OTOA: variants seen among roughly 807,000 people sequenced by gnomAD.
OTOA encodes the protein otoancorin.
OTOA carries 70 observed loss-of-function variants against 110.8 expected under a neutral mutation model. That is an observed-to-expected ratio of 0.63 (90% confidence interval 0.52 to 0.77). The LOEUF (loss-of-function observed/expected upper bound fraction) is 0.77, where lower values mean the gene tolerates loss of function less well. Among genes scored for constraint, OTOA ranks in the 30% least tolerant of loss-of-function variants. OTOA has a pLI of 0.00. For missense variants in OTOA, 917 were observed against 1,075.8 expected (o/e 0.85, Z 2.06); for synonymous variants, 373 against 431.5 (o/e 0.86, Z 1.68).
chr16:21,712,951 TGGG>T (rs1301856310), intron 13 of OTOA, among the ~76,000 whole-genome samples: 4 of 152,082 alleles, frequency 2.6e-5, no homozygotes, highest in Non-Finnish European at 5.9e-5. Flanking sequence ...CCTCAGGAAC[TGGG>T]GGGTTTCTTC....
chr16:21,720,920 T>TATTATTATTATTATTATC (rs1245760194), intron 17 of OTOA, among the ~76,000 whole-genome samples: 5 of 149,100 alleles, frequency 3.4e-5, no homozygotes, highest in African/African-American at 1.2e-4. Flanking sequence ...TTATTATTAT[T>TATTATTATTATTATTATC]ATCATTATTA....
intron 21 of OTOA, among the ~76,000 whole-genome samples, 154 bp downstream of exon 21, chr16:21,731,084 T>G (rs1470323726): frequency 6.6e-6 from 1 of 151,846 alleles, no homozygotes; most frequent in Non-Finnish European, 1.5e-5. Flanking sequence ...CATTCCAGGA[T>G]GTGCAAGGTT....
chr16:21,698,838 G>C (rs1347592957), intron 10 of OTOA, among the ~76,000 whole-genome samples: 4 of 152,102 alleles, frequency 2.6e-5, no homozygotes. Flanking sequence ...AGAAAGCTGA[G>C]CCCCCTAGAG....
chr16:21,727,172 A>G (rs766933470), intron 19 of OTOA: 19 of 163,068 alleles, frequency 1.2e-4, no homozygotes, highest in Non-Finnish European at 1.9e-4. Flanking sequence ...GTGTACCACT[A>G]CACCCGGTTA....
chr16:21,705,008 T>C, intron 11 of OTOA, 161 bp from the exon 12 acceptor site: 1 of 1,163,178 alleles, frequency 8.6e-7, no homozygotes, highest in Non-Finnish European at 1.3e-6. Flanking sequence ...CGCCTGTGGT[T>C]GCACATTTGG....
intron 5 of OTOA, among the ~76,000 whole-genome samples, chr16:21,680,456 A>T (rs1218467499): frequency 1.3e-5 from 2 of 151,892 alleles, no homozygotes; most frequent in African/African-American, 4.8e-5. Context: ...TGAGGTTGTG[A>T]TAAGCCAAGA....
intron 6 of OTOA, among the ~76,000 whole-genome samples, chr16:21,682,522 A>G (rs1567365112): frequency 1.3e-5 from 2 of 152,228 alleles, no homozygotes. Flanking sequence ...AATGAAAACA[A>G]TAGCACAAGC....
In OTOA at chr16:21,728,346, A is replaced by T. The variant is rs1295837458; in HGVS notation, c.2122A>T (p.Thr708Ser). The change falls in exon 20 of 29, where the codon ACT becomes TCT. Residue 708 changes from threonine (T) to serine (S), a missense_variant. Coordinates refer to ENST00000646100, the MANE Select transcript of OTOA (RefSeq NM_144672.4). ...GGGGATCTCCCCCAGGGCTTGGGCG[A>T]CTGCTCTACACGGCCTCAGAGACTG... ...DRGISPRAWA[T>S]ALHGLRDCPD... 2 of 1,613,906 alleles carry T rather than the reference A, an allele frequency of 1.2e-6. No homozygotes were observed. Among genetic ancestry groups the T allele is most frequent in the Non-Finnish European group, 1.7e-6 (2 of 1,179,992 alleles).
At chr16:21,707,392 A>T (rs534514101) in intron 12 of OTOA, among the ~76,000 whole-genome samples, 1 of 152,100 alleles carries the variant, frequency 6.6e-6, no homozygotes, top group Admixed American at 6.5e-5. Context: ...CTGTTCAAAT[A>T]CAGCTTGTGG....
chr16:21,751,453 G>C (rs1355367428), intron 24 of OTOA, among the ~76,000 whole-genome samples: 1 of 62,244 alleles, frequency 1.6e-5, no homozygotes, highest in African/African-American at 4.4e-5. Flanking sequence ...TGAACCTGGG[G>C]AGGTGGAGGT....
In OTOA at chr16:21,715,060, A is replaced by C; in HGVS notation, c.1396A>C (p.Lys466Gln). Reference sequence around the variant, plus strand: ...CAGCACCCAGGCCTTCTGCAGCATGAAACGCAAGGACATCTCGCAGGTCCT... The same window carrying C: ...CAGCACCCAGGCCTTCTGCAGCATGCAACGCAAGGACATCTCGCAGGTCCT... ...GVSTQAFCSM[K>Q]RKDISQVLRS... Residue 466 changes from lysine to glutamine, a missense_variant, in exon 14 of 29, where the codon AAA becomes CAA. Physicochemically the swap from Lys to Gln is moderately conservative, Grantham distance 53. Coordinates refer to ENST00000646100, the MANE Select transcript of OTOA (RefSeq NM_144672.4). 5.0e-6 allele frequency: 8 copies of C among 1,614,194 alleles called. No individual in the cohort carries two copies. The highest frequency in any genetic ancestry group is 6.8e-6 in the Non-Finnish European group (8 of 1,180,026).
intron 9 of OTOA, among the ~76,000 whole-genome samples, chr16:21,695,236 C>G (rs80150689): frequency 4.5e-5 from 4 of 88,626 alleles, no homozygotes; most frequent in South Asian, 5.0e-4. Context: ...CCCCCCCCCC[C>G]ATACAAAAAA....
At chr16:21,680,841 A>G (rs1264770763) in intron 5 of OTOA, among the ~76,000 whole-genome samples, 3 of 150,410 alleles carry the variant, frequency 2.0e-5, no homozygotes, top group African/African-American at 7.4e-5. Context: ...TAACAGAGTG[A>G]GACTCTGTCT....
At chr16:21,708,176 G>A (rs1898249546) in intron 12 of OTOA, among the ~76,000 whole-genome samples, 1 of 152,158 alleles carries the variant, frequency 6.6e-6, no homozygotes, top group Non-Finnish European at 1.5e-5. Flanking sequence ...TGGGAGCTCT[G>A]AGCTTGTTTT....
intron 17 of OTOA, among the ~76,000 whole-genome samples, chr16:21,722,083 A>G (rs1490347252): frequency 1.5e-5 from 2 of 132,862 alleles, no homozygotes; most frequent in Non-Finnish European, 3.2e-5. Context: ...CCCCAAAAAA[A>G]CCCACTAAAA....
chr16:21,726,563 C>A lies in OTOA; in HGVS notation c.1921C>A (p.Pro641Thr), dbSNP rs150728892. The stretch of plus-strand genomic sequence containing the variant: ...TTCTGTCCCAGCCTCCCAGTGTGTG[C>A]CCTTTCTGATCAGCCTGGGGAAGAG... ...LASVPASQCV[P>T]FLISLGKSWL... Residue 641 changes from proline to threonine, a missense_variant, in exon 19 of 29, where the codon CCC becomes ACC. Transcript: ENST00000646100. 6.2e-7 allele frequency: 1 copy of A among 1,614,054 alleles called. No individual in the cohort carries two copies. Among genetic ancestry groups the A allele is most frequent in the African/African-American group, 1.3e-5 (1 of 75,000 alleles).
intron 8 of OTOA, among the ~76,000 whole-genome samples, chr16:21,691,312 A>G (rs1897825285): frequency 6.6e-6 from 1 of 151,860 alleles, no homozygotes; most frequent in Non-Finnish European, 1.5e-5. Context: ...ATGATTTATA[A>G]TCCTTTGGGT....
intron 20 of OTOA, chr16:21,729,784 T>C (rs1457403681): frequency 2.0e-5 from 3 of 152,222 alleles, no homozygotes; most frequent in Admixed American, 6.5e-5. Context: ...TTTCACTTAG[T>C]AATATGCACT....
At chr16:21,710,186 C>G in intron 13 of OTOA, 83 bp downstream of exon 13, 1 of 1,316,524 alleles carries the variant, frequency 7.6e-7, no homozygotes, top group Admixed American at 2.0e-5. Context: ...TAAAAATATA[C>G]TGTAGATTGA....
Sources: gnomAD v4.1 joint callset for allele counts (sites outside exome capture counted in the v4.1 genomes callset) on GRCh38, gnomAD v4.1.1 for gene constraint, MANE v1.5 for transcripts, NCBI Gene and HGNC (gene_info 2026-07-23, HGNC 2026-07-21) for gene names.